The following KSR2 variants were observed in gnomAD, a reference collection of about 807,000 sequenced individuals.
KSR2 encodes kinase suppressor of ras 2.
Under a neutral mutation model 107.8 loss-of-function variants are expected in KSR2, and 25 were observed. That is an observed-to-expected ratio of 0.23 (90% CI 0.17 to 0.32). KSR2 has a LOEUF of 0.32. Among genes scored for constraint, KSR2 ranks in the 10% least tolerant of loss-of-function variants. The pLI is 1.00. For missense variants in KSR2, 887 were observed against 1,268.9 expected (o/e 0.70, Z 4.57); for synonymous variants, 480 against 507.0 (o/e 0.95, Z 0.71).
intron 1 of KSR2, among the ~76,000 whole-genome samples, chr12:117,864,303 G>C (rs1444255574): frequency 6.6e-6 from 1 of 152,172 alleles, no homozygotes; most frequent in African/African-American, 2.4e-5. Flanking sequence ...CTTCCTGTCT[G>C]AGAAGAATGA....
At position 117,471,726 on chromosome 12, in the gene KSR2, G is replaced by A. The variant is rs188008360; in HGVS notation, c.2583-406C>T. 2.4e-3 allele frequency among the ~76,000 whole-genome samples: 368 copies of A among 151,718 alleles called. 5 individuals are homozygous for A. The highest frequency in any genetic ancestry group is 8.5e-3 in the African/African-American group (353 of 41,342). On this transcript the variant is annotated intron_variant, in intron 17 of 19. Coordinates refer to ENST00000339824, the MANE Select transcript of KSR2 (RefSeq NM_173598.6). The stretch of plus-strand genomic sequence containing the variant: ...AAGAGGAATTGGTTATATGCATTAT[G>A]GTAAATCCATAAAATAAAATGAAAT...
At chr12:117,684,221 C>G (rs571226478) in intron 4 of KSR2, among the ~76,000 whole-genome samples, 17 of 152,280 alleles carry the variant, frequency 1.1e-4, no homozygotes, top group African/African-American at 3.6e-4. Flanking sequence ...CTCCACCGCT[C>G]TGACCACAGT....
intron 5 of KSR2, among the ~76,000 whole-genome samples, chr12:117,588,858 T>C (rs1362217155): frequency 6.6e-6 from 1 of 152,224 alleles, no homozygotes; most frequent in Non-Finnish European, 1.5e-5. Flanking sequence ...TACCTCATTG[T>C]GTTGTTTGAA....
chr12:117,886,744 T>C (rs1894189271), intron 1 of KSR2, among the ~76,000 whole-genome samples: 1 of 152,208 alleles, frequency 6.6e-6, no homozygotes, highest in Non-Finnish European at 1.5e-5. Flanking sequence ...GTCTATTATA[T>C]GACATCTATA....
At chr12:117,953,157 C>T (rs149607344) in intron 1 of KSR2, among the ~76,000 whole-genome samples, 3 of 152,054 alleles carry the variant, frequency 2.0e-5, no homozygotes, top group African/African-American at 4.8e-5. Context: ...TCACACCCAC[C>T]AGGATAGCTA....
At chr12:117,537,138 G>A (rs950775572) in intron 10 of KSR2, among the ~76,000 whole-genome samples, 5 of 152,170 alleles carry the variant, frequency 3.3e-5, no homozygotes, top group Admixed American at 6.5e-5. Context: ...GCTTGAACCC[G>A]GGAGGTGGAG....
At chr12:117,695,194 G>A (rs116240641) in intron 4 of KSR2, among the ~76,000 whole-genome samples, 1,787 of 152,138 alleles carry the variant, frequency 0.012, 34 homozygotes, top group African/African-American at 0.039. Flanking sequence ...CAAAATTGTC[G>A]AGATAGAAAA....
At chr12:117,605,499 A>G (rs1030502705) in intron 5 of KSR2, among the ~76,000 whole-genome samples, 7 of 152,200 alleles carry the variant, frequency 4.6e-5, no homozygotes, top group African/African-American at 1.7e-4. Flanking sequence ...TCACCTAGGT[A>G]TTAAGCCTAG....
At chr12:117,744,234 CT>C (rs935168160) in intron 4 of KSR2, among the ~76,000 whole-genome samples, 1 of 152,144 alleles carries the variant, frequency 6.6e-6, no homozygotes, top group African/African-American at 2.4e-5. Flanking sequence ...CAAAATGGGG[CT>C]AATAATAACT....
At chr12:117,873,717 T>A (rs1893738457) in intron 1 of KSR2, among the ~76,000 whole-genome samples, 1 of 152,116 alleles carries the variant, frequency 6.6e-6, no homozygotes, top group South Asian at 2.1e-4. Flanking sequence ...TGCCTTGGCC[T>A]CCCAAGGTGC....
intron 2 of KSR2, among the ~76,000 whole-genome samples, chr12:117,856,860 A>G (rs1443884833): frequency 6.6e-6 from 1 of 152,156 alleles, no homozygotes; most frequent in Non-Finnish European, 1.5e-5. Flanking sequence ...TTAAACTGAT[A>G]GCCAGAAAGA....
chr12:117,488,026 TC>T (rs1336858725), intron 14 of KSR2, among the ~76,000 whole-genome samples: 1 of 152,162 alleles, frequency 6.6e-6, no homozygotes, highest in African/African-American at 2.4e-5. Context: ...GGGGGCAGTT[TC>T]CCCCATACTG....
Position 117,882,183 on chromosome 12 carries a change from CA to C in KSR2, c.181-21753del. Among the ~76,000 whole-genome samples, 3 of 152,310 alleles carry C rather than the reference CA, an allele frequency of 2.0e-5. No individual in the cohort carries two copies. In the Middle Eastern group the frequency reaches 0.01, roughly 518 times the overall value. On this transcript the variant is annotated intron_variant, in intron 1 of 19. Coordinates refer to ENST00000339824, the MANE Select transcript of KSR2 (RefSeq NM_173598.6). ...CGTGCACAGCTCCCTCAGCACACTGCAGGGGGCAATAGGCACCATAGTAGCA... is the reference window on the plus strand; with the variant it reads ...CGTGCACAGCTCCCTCAGCACACTGCGGGGGCAATAGGCACCATAGTAGCA...
chr12:117,831,853 G>C (rs1321063653), intron 3 of KSR2, among the ~76,000 whole-genome samples: 4 of 152,220 alleles, frequency 2.6e-5, no homozygotes, highest in Non-Finnish European at 5.9e-5. Context: ...GCTGGTTAAA[G>C]CTGAATGCAT....
chr12:117,735,615 A>G (rs1399130039), intron 4 of KSR2, among the ~76,000 whole-genome samples: 2 of 152,152 alleles, frequency 1.3e-5, no homozygotes, highest in Non-Finnish European at 2.9e-5. Flanking sequence ...TACCAGTGTC[A>G]CGCAAAATGT....
intron 5 of KSR2, among the ~76,000 whole-genome samples, chr12:117,586,582 C>T (rs560878979): frequency 6.7e-5 from 6 of 89,664 alleles, no homozygotes; most frequent in South Asian, 3.5e-4. Context: ...AGCCAAACTC[C>T]GAAAAAAAAA....
chr12:117,688,154 T>G (rs1364716568), intron 4 of KSR2, among the ~76,000 whole-genome samples: 1 of 152,018 alleles, frequency 6.6e-6, no homozygotes, highest in Non-Finnish European at 1.5e-5. Context: ...CTGAGATGGG[T>G]GGATCACTTG....
Position 117,533,596 on chromosome 12 carries a change from G to GT in KSR2, c.1688-1890dup, listed in dbSNP as rs1194025643. On this transcript the variant is annotated intron_variant, in intron 10 of 19. Coordinates refer to ENST00000339824, the MANE Select transcript of KSR2 (RefSeq NM_173598.6). ...ACTGTTTTACTATTAGATAACAGAA[G>GT]TTTTTTATTACATACAACTACTTTA... 3.3e-5 allele frequency among the ~76,000 whole-genome samples: 5 copies of GT among 152,200 alleles called. No homozygotes were observed. The East Asian group carries it at 5.8e-4, about 18-fold the overall frequency.
Position 117,824,692 on chromosome 12 carries a change from T to C in KSR2, c.472+30736A>G, listed in dbSNP as rs78894669. On this transcript the variant is annotated intron_variant, in intron 3 of 19. Coordinates refer to ENST00000339824, the MANE Select transcript of KSR2 (RefSeq NM_173598.6). ...TAACACAGTGAAACCCTGTCTCCAC[T>C]AAAAATACAAAAACATTAGCTGGGT... Among the ~76,000 whole-genome samples, 1,034 of 151,164 alleles carry C rather than the reference T, an allele frequency of 6.8e-3. 62 individuals carry two copies. In the East Asian group the frequency reaches 0.13, roughly 19 times the overall value.
Sources: gnomAD v4.1 joint callset for allele counts (sites outside exome capture counted in the v4.1 genomes callset) on GRCh38, gnomAD v4.1.1 for gene constraint, MANE v1.5 for transcripts, NCBI Gene and HGNC (gene_info 2026-07-23, HGNC 2026-07-21) for gene names.